Variants in FAM216A observed in about 807,000 individuals in gnomAD.
FAM216A encodes protein FAM216A.
Under a neutral mutation model 37.6 loss-of-function variants are expected in FAM216A, and 26 were observed. The observed-to-expected ratio is 0.69, with a 90% CI of 0.51 to 0.96. The LOEUF is 0.96. FAM216A is among the 40% of genes least tolerant of loss of function. FAM216A has a pLI of 0.00. For missense variants in FAM216A, 326 were observed against 339.3 expected (o/e 0.96, Z 0.31); for synonymous variants, 110 against 121.7 (o/e 0.90, Z 0.64).
chr12:110,482,668 G>C (rs901673910), intron 2 of FAM216A, among the ~76,000 whole-genome samples: 1 of 151,128 alleles, frequency 6.6e-6, no homozygotes, highest in African/African-American at 2.4e-5. Flanking sequence ...AGTGGCGGGC[G>C]CCTGTAGTCC....
chr12:110,485,136 G>A lies in FAM216A; in HGVS notation c.243G>A (p.Trp81Ter). Residue 81 changes from tryptophan (W) to a stop codon, truncating the protein, a stop_gained, in exon 3 of 7, where the codon TGG becomes TGA. Transcript: ENST00000377673. LOFTEE classifies it high-confidence loss of function. Reference sequence around the variant, plus strand: ...ACATAGCTAAGCTGCAAGAGTTATGGAAAACTCCCCAAAATCAAACAATCC... The same window carrying A: ...ACATAGCTAAGCTGCAAGAGTTATGAAAAACTCCCCAAAATCAAACAATCC... The part of the protein sequence containing the change: ...NSHIAKLQEL[W>*]KTPQNQTIHL... 1 of 1,612,986 alleles carries A rather than the reference G, an allele frequency of 6.2e-7. No individual in the cohort carries two copies. Among genetic ancestry groups the A allele is most frequent in the Non-Finnish European group, 8.5e-7 (1 of 1,179,676 alleles).
chr12:110,481,511 A>G (rs187255102), intron 2 of FAM216A, among the ~76,000 whole-genome samples: 9 of 150,840 alleles, frequency 6.0e-5, no homozygotes, highest in Admixed American at 3.3e-4. Context: ...TGCCTGGCTA[A>G]GTATTTTGTG....
chr12:110,489,967 T>G, intron 6 of FAM216A, 52 bp from the exon 7 acceptor site: 1 of 880,738 alleles, frequency 1.1e-6, no homozygotes, highest in Non-Finnish European at 1.9e-6. Context: ...AAAGTTGTAC[T>G]TAGAGCTTTA....
intron 2 of FAM216A, among the ~76,000 whole-genome samples, chr12:110,481,825 G>A (rs2062748697): frequency 6.6e-6 from 1 of 151,970 alleles, no homozygotes; most frequent in African/African-American, 2.4e-5. Flanking sequence ...CTTGAAAAAG[G>A]ATTTCCAAAA....
At chr12:110,471,377 C>G (rs1044173490) in intron 1 of FAM216A, among the ~76,000 whole-genome samples, 1 of 152,164 alleles carries the variant, frequency 6.6e-6, no homozygotes, top group African/African-American at 2.4e-5. Flanking sequence ...CGGGAGCTAC[C>G]GTGCCCAGCA....
intron 5 of FAM216A, 46 bp from the exon 6 acceptor site, chr12:110,487,815 C>A: frequency 8.8e-7 from 1 of 1,142,332 alleles, no homozygotes; most frequent in African/African-American, 1.5e-5. Flanking sequence ...CCCTAGGCAG[C>A]TGTTCACTTT....
chr12:110,480,089 G>A (rs1343419383), intron 2 of FAM216A, among the ~76,000 whole-genome samples: 4 of 150,070 alleles, frequency 2.7e-5, no homozygotes, highest in East Asian at 2.0e-4. Flanking sequence ...GCAATGGCTC[G>A]ATCTCGGCTC....
chr12:110,468,671 G>A (rs2062656396), upstream of FAM216A: 2 of 1,536,220 alleles, frequency 1.3e-6, no homozygotes, highest in Non-Finnish European at 1.7e-6. Flanking sequence ...TGCTTCCACA[G>A]AGAGGTGCAA....
At chr12:110,480,438 C>T (rs1447421031) in intron 2 of FAM216A, among the ~76,000 whole-genome samples, 4 of 151,798 alleles carry the variant, frequency 2.6e-5, no homozygotes, top group East Asian at 1.9e-4. Context: ...CTCCTGACCT[C>T]GTGATCCGCC....
intron 5 of FAM216A, chr12:110,487,650 G>A: frequency 1.9e-6 from 1 of 536,916 alleles, no homozygotes; most frequent in Non-Finnish European, 3.3e-6. Context: ...TATATAACAG[G>A]GAGAGGAAAA....
chr12:110,476,828 A>C (rs1224905650), intron 2 of FAM216A, among the ~76,000 whole-genome samples: 2 of 151,980 alleles, frequency 1.3e-5, no homozygotes, highest in Non-Finnish European at 2.9e-5. Flanking sequence ...CGCCCGGCCG[A>C]CATTGATATT....
At chr12:110,474,199 T>TTA (rs566511737) in intron 2 of FAM216A, among the ~76,000 whole-genome samples, 29 of 152,066 alleles carry the variant, frequency 1.9e-4, no homozygotes, top group Non-Finnish European at 2.9e-4. Flanking sequence ...TCTTACTGAA[T>TTA]TATAGTTCAG....
chr12:110,468,912 C>G lies in FAM216A; in HGVS notation c.37C>G (p.Leu13Val). The G allele has an allele frequency of 6.6e-7, 1 of 1,521,838 alleles. No homozygotes were observed. The highest frequency in any genetic ancestry group is 8.8e-7 in the Non-Finnish European group (1 of 1,137,240). The allele number at this position is 1,521,838 out of a possible 1,614,324, so 94.3% of individuals were successfully genotyped here. The change falls in exon 1 of 7, where the codon CTC (leucine) becomes GTC (valine). Residue 13 changes from leucine to valine, a missense_variant. Physicochemically the swap from Leu to Val is conservative, Grantham distance 32 (BLOSUM62 1). Transcript: ENST00000377673. Reference protein sequence around the residue: ...GQLLPHTARGLGAAEMPGQGP... With the variant: ...GQLLPHTARGVGAAEMPGQGP... ...GCTGCTCCCGCACACGGCTCGCGGT[C>G]TCGGCGCCGCGGAGATGCCCGGCCA...
chr12:110,479,008 G>A (rs935648901), intron 2 of FAM216A, among the ~76,000 whole-genome samples: 8 of 151,964 alleles, frequency 5.3e-5, no homozygotes, highest in Non-Finnish European at 8.8e-5. Flanking sequence ...CTAACACGGT[G>A]AAACCCCCGT....
intron 2 of FAM216A, among the ~76,000 whole-genome samples, chr12:110,474,803 A>G (rs2135543648): frequency 6.6e-6 from 1 of 151,764 alleles, no homozygotes; most frequent in East Asian, 1.9e-4. Context: ...GAAATTCGAG[A>G]CTAGCCTGAC....
At chr12:110,483,309 C>T (rs141263871) in intron 2 of FAM216A, among the ~76,000 whole-genome samples, 2 of 135,854 alleles carry the variant, frequency 1.5e-5, no homozygotes, top group Admixed American at 7.4e-5. Context: ...CCAGCCTGGG[C>T]GACAGAGCGA....
chr12:110,486,270 T>C (rs1335991089), intron 3 of FAM216A, 55 bp from the exon 4 acceptor site: 7 of 1,502,646 alleles, frequency 4.7e-6, no homozygotes, highest in East Asian at 2.3e-5. Context: ...ATAAGGAATA[T>C]TGCCAACTTC....
At chr12:110,481,128 C>T (rs1031217664) in intron 2 of FAM216A, among the ~76,000 whole-genome samples, 21 of 151,988 alleles carry the variant, frequency 1.4e-4, no homozygotes, top group African/African-American at 5.1e-4. Flanking sequence ...AATAATATTC[C>T]ATTGTTTGTA....
At chr12:110,484,597 T>C (rs903005274) in intron 2 of FAM216A, among the ~76,000 whole-genome samples, 4 of 151,780 alleles carry the variant, frequency 2.6e-5, no homozygotes, top group East Asian at 3.8e-4. Flanking sequence ...CAAAATAATG[T>C]ATTATATATA....
Sources: gnomAD v4.1 joint callset for allele counts (sites outside exome capture counted in the v4.1 genomes callset) on GRCh38, gnomAD v4.1.1 for gene constraint, MANE v1.5 for transcripts, NCBI Gene and HGNC (gene_info 2026-07-23, HGNC 2026-07-21) for gene names.